PHIP: variants seen among roughly 807,000 people sequenced by gnomAD.
PHIP encodes PHIP subunit of CUL4-Ring ligase complex, also known as PH-interacting protein.
In PHIP, 54 loss-of-function variants were observed where a neutral mutation model predicts 236.8. That is an observed-to-expected ratio of 0.23 (90% CI 0.18 to 0.29). The LOEUF (loss-of-function observed/expected upper bound fraction) is 0.29, where lower values mean the gene tolerates loss of function less well. PHIP is among the 10% of genes least tolerant of loss of function. The probability of loss-of-function intolerance (pLI) is 1.00; values close to 1 mark genes in which losing one functional copy is unlikely to be tolerated. For synonymous variants in PHIP, 756 were observed against 718.9 expected (o/e 1.05, Z -0.83); for missense variants, 1,370 against 2,190.8 (o/e 0.63, Z 7.48).
intron 6 of PHIP, among the ~76,000 whole-genome samples, chr6:79,053,640 C>A (rs977383741): frequency 6.6e-6 from 1 of 152,138 alleles, no homozygotes; most frequent in African/African-American, 2.4e-5. Context: ...TAAGAAAACA[C>A]TGAATACGTA....
chr6:79,034,207 T>C (rs1054129155), intron 7 of PHIP, among the ~76,000 whole-genome samples: 7 of 152,164 alleles, frequency 4.6e-5, no homozygotes, highest in Admixed American at 1.3e-4. Context: ...TTCACAAATA[T>C]ACAATTTGTA....
intron 8 of PHIP, 76 bp downstream of exon 8, chr6:79,025,867 A>G (rs552703545): frequency 6.2e-6 from 7 of 1,127,748 alleles, no homozygotes; most frequent in African/African-American, 4.7e-5. Flanking sequence ...TTTAATAACC[A>G]AAAGTGACTT....
intron 31 of PHIP, among the ~76,000 whole-genome samples, 176 bp downstream of exon 31, chr6:78,961,514 A>T (rs1208187126): frequency 6.6e-6 from 1 of 152,146 alleles, no homozygotes; most frequent in African/African-American, 2.4e-5. Context: ...TTAGAAATGC[A>T]GAATCTCAGG....
At chr6:78,947,253 T>G (rs1275023250) in intron 36 of PHIP, among the ~76,000 whole-genome samples, 1 of 152,192 alleles carries the variant, frequency 6.6e-6, no homozygotes, top group Non-Finnish European at 1.5e-5. Context: ...CACTCCTTTG[T>G]GATGTCATGT....
chr6:78,939,253 CAACTT>C lies in PHIP; in HGVS notation c.*1435_*1439del, dbSNP rs1346105420. The C allele has an allele frequency of 6.6e-6, 1 of 151,646 alleles. No individual in the cohort carries two copies. The highest frequency in any genetic ancestry group is 1.5e-5 in the Non-Finnish European group (1 of 67,688). The allele number at this position is 151,646 out of a possible 1,614,324, so 9.4% of individuals were successfully genotyped here. A position where few individuals can be genotyped will look rare whatever the true frequency, so the allele number is the denominator to read the frequency against. On this transcript the variant is annotated 3_prime_UTR_variant, in exon 40 of 40. Coordinates refer to ENST00000275034, the MANE Select transcript of PHIP (RefSeq NM_017934.7). ...TCATATAGTTATCATTTACAATAGA[CAACTT>C]AATTTTACTAATGATGCAAAAAATA... is the stretch of plus-strand genomic sequence containing the variant.
At chr6:78,995,201 G>A (rs1198538860) in intron 19 of PHIP, among the ~76,000 whole-genome samples, 2 of 152,150 alleles carry the variant, frequency 1.3e-5, no homozygotes, top group East Asian at 3.8e-4. Flanking sequence ...TCAATATGCT[G>A]TTCCTTTTTA....
chr6:78,945,269 T>A (rs756688401), intron 39 of PHIP, 31 bp downstream of exon 39: 24 of 1,432,584 alleles, frequency 1.7e-5, no homozygotes, highest in Non-Finnish European at 2.3e-5. Flanking sequence ...AAGGATCTAC[T>A]GTATCTTGAA....
intron 7 of PHIP, among the ~76,000 whole-genome samples, chr6:79,036,571 C>T (rs1178813982): frequency 6.6e-6 from 1 of 152,162 alleles, no homozygotes; most frequent in Non-Finnish European, 1.5e-5. Context: ...CTCCCTCTCT[C>T]TCCATATAAC....
intron 4 of PHIP, among the ~76,000 whole-genome samples, chr6:79,072,881 A>G (rs1318431819): frequency 6.6e-6 from 1 of 152,216 alleles, no homozygotes; most frequent in Non-Finnish European, 1.5e-5. Flanking sequence ...TTTATTATAA[A>G]GCTCTAAGCA....
chr6:79,041,467 A>C (rs1772208977), intron 7 of PHIP, among the ~76,000 whole-genome samples: 1 of 152,172 alleles, frequency 6.6e-6, no homozygotes, highest in Non-Finnish European at 1.5e-5. Flanking sequence ...AATTCCTACA[A>C]GGTTCTTTAC....
chr6:78,976,333 T>C, intron 24 of PHIP, among the ~76,000 whole-genome samples: 2 of 144,366 alleles, frequency 1.4e-5, no homozygotes, highest in Non-Finnish European at 3.0e-5. Flanking sequence ...TGTAGAAAGC[T>C]GAAACTGGAT....
intron 6 of PHIP, among the ~76,000 whole-genome samples, chr6:79,052,187 T>C (rs1235432341): frequency 6.6e-6 from 1 of 152,126 alleles, no homozygotes; most frequent in Non-Finnish European, 1.5e-5. Flanking sequence ...GAGGGGTGGA[T>C]ATCTGGGAGT....
At chr6:79,050,348 T>C (rs1462606485) in intron 6 of PHIP, among the ~76,000 whole-genome samples, 5 of 152,176 alleles carry the variant, frequency 3.3e-5, no homozygotes, top group Admixed American at 3.3e-4. Flanking sequence ...TTGAGGTGGA[T>C]ACTTCCATTA....
In PHIP at chr6:79,016,568, A is replaced by T; in HGVS notation, c.1211T>A (p.Leu404Ter). The T allele has an allele frequency of 6.2e-7, 1 of 1,610,772 alleles. No individual in the cohort carries two copies. The highest frequency in any genetic ancestry group is 8.5e-7 in the Non-Finnish European group (1 of 1,177,458). The change falls in exon 13 of 40, where the codon TTG becomes TAG. Residue 404 changes from leucine (L) to a stop codon, truncating the protein, a stop_gained. Coordinates refer to ENST00000275034, the MANE Select transcript of PHIP (RefSeq NM_017934.7). LOFTEE classifies it high-confidence loss of function. ...FKRREWKSIL[L>*]DMATRPAGQN... ...CCCTGCTGGACGAGTAGCCATATCC[A>T]ACAAAATGCTCTTCCACTCTCTTCG...
chr6:78,973,280 C>T (rs919024243), intron 24 of PHIP, among the ~76,000 whole-genome samples: 6 of 151,324 alleles, frequency 4.0e-5, no homozygotes, highest in African/African-American at 1.5e-4. Context: ...CCAAAGTAAG[C>T]TTCATAAGTG....
intron 4 of PHIP, among the ~76,000 whole-genome samples, chr6:79,072,014 G>C (rs533690891): frequency 1.3e-5 from 2 of 150,850 alleles, no homozygotes; most frequent in Non-Finnish European, 2.9e-5. Flanking sequence ...AACTGAAATC[G>C]GTTAGGATTT....
intron 15 of PHIP, among the ~76,000 whole-genome samples, chr6:79,007,093 T>C (rs1271249949): frequency 6.6e-6 from 1 of 152,026 alleles, no homozygotes; most frequent in Non-Finnish European, 1.5e-5. Context: ...AATAAATGAG[T>C]AGTATAAACT....
At chr6:79,012,059 A>T (rs575914696) in intron 15 of PHIP, among the ~76,000 whole-genome samples, 9 of 151,752 alleles carry the variant, frequency 5.9e-5, no homozygotes, top group Non-Finnish European at 1.2e-4. Context: ...ACATAACAGG[A>T]TTTTTGGCTA....
chr6:79,041,055 G>T (rs928528002), intron 7 of PHIP, among the ~76,000 whole-genome samples: 1 of 152,068 alleles, frequency 6.6e-6, no homozygotes, highest in African/African-American at 2.4e-5. Context: ...GTCTAGAAAA[G>T]GATAGCAATT....
Sources: gnomAD v4.1 joint callset for allele counts (sites outside exome capture counted in the v4.1 genomes callset) on GRCh38, gnomAD v4.1.1 for gene constraint, MANE v1.5 for transcripts, NCBI Gene and HGNC (gene_info 2026-07-23, HGNC 2026-07-21) for gene names.